TRMT13: variants seen among roughly 807,000 people sequenced by gnomAD.
TRMT13 encodes the protein tRNA:m(4)X modification enzyme TRM13 homolog.
TRMT13 carries 45 observed loss-of-function variants against 55.9 expected under a neutral mutation model. The observed-to-expected ratio is 0.80, with a 90% CI of 0.63 to 1.03. TRMT13 has a LOEUF of 1.03. Among genes scored for constraint, TRMT13 ranks in the 50% least tolerant of loss-of-function variants. TRMT13 has a pLI of 0.00. For missense variants in TRMT13, 513 were observed against 563.9 expected, an observed-to-expected ratio of 0.91 and a Z score of 0.91; for synonymous variants, 183 against 196.3, an observed-to-expected ratio of 0.93 and a Z score of 0.57.
chr1:100,137,490 A>C (rs1171627541), intron 3 of TRMT13, among the ~76,000 whole-genome samples: 1 of 152,034 alleles, frequency 6.6e-6, no homozygotes, highest in East Asian at 1.9e-4. Context: ...GAGCCACCAA[A>C]TCCAGCCAGG....
rs1657637520 is a variant in TRMT13, at chr1:100,148,822, G to A, written c.*2G>A. On this transcript the variant is annotated 3_prime_UTR_variant, in exon 11 of 11. Coordinates refer to ENST00000370141, the MANE Select transcript of TRMT13 (RefSeq NM_019083.3). Reference sequence around the variant, plus strand: ...TCATCACCAGAAACAACTGCTTAATGGAAAAGAAATTTGAGCATCATCTGT... The same window carrying A: ...TCATCACCAGAAACAACTGCTTAATAGAAAAGAAATTTGAGCATCATCTGT... The A allele has an allele frequency of 4.9e-6, 7 of 1,442,606 alleles. No individual in the cohort carries two copies. Among genetic ancestry groups the A allele is most frequent in the Middle Eastern group, 1.8e-4 (1 of 5,442 alleles). 89.4% of individuals were successfully genotyped at this position (1,442,606 alleles called of 1,614,324 possible).
chr1:100,136,927 C>T lies in TRMT13; in HGVS notation c.193C>T (p.His65Tyr). 1 of 1,603,572 alleles carries T rather than the reference C, an allele frequency of 6.2e-7. No individual in the cohort carries two copies. The part of the protein sequence containing the change: ...KRILCPLDPK[H>Y]TVYEDQLAKH... ...AATCCTGTGTCCTTTAGATCCAAAA[C>T]AGTAAGTGTGGATCAGATACGGGTT... The change falls in exon 2 of 11, where the codon CAC (histidine) becomes TAC (tyrosine). Residue 65 changes from histidine (H) to tyrosine (Y), a missense_variant and splice_region_variant. His to Tyr is a moderately conservative substitution (Grantham distance 83, BLOSUM62 2). This residue lies in a region of TRMT13 where 298 missense variants were observed against 290.3 expected (regional missense o/e 1.03). Transcript: ENST00000370141.
Position 100,140,568 on chromosome 1 carries a change from C to G in TRMT13, c.501+54C>G, listed in dbSNP as rs796199435. 5.4e-6 allele frequency: 7 copies of G among 1,298,138 alleles called. No homozygotes were observed. The African/African-American group carries it at 8.9e-5, about 16-fold the overall frequency. 80.4% of individuals were successfully genotyped at this position (1,298,138 alleles called of 1,614,324 possible). A position where few individuals can be genotyped will look rare whatever the true frequency, so the allele number is the denominator to read the frequency against. On this transcript the variant is annotated intron_variant, in intron 6 of 10. Coordinates refer to ENST00000370141, the MANE Select transcript of TRMT13 (RefSeq NM_019083.3). ...CATGGCCTTTGTTCATTTGTTAAAA[C>G]TGTTTTAAATGTAATTATTAATAAG...
chr1:100,145,163 T>A (rs1335696039), intron 9 of TRMT13, among the ~76,000 whole-genome samples: 2 of 152,232 alleles, frequency 1.3e-5, no homozygotes, highest in Non-Finnish European at 2.9e-5. Flanking sequence ...CCATACACCC[T>A]AGGTGTGTAG....
chr1:100,140,432 A>C lies in TRMT13; in HGVS notation c.419A>C (p.His140Pro). The C allele has an allele frequency of 6.2e-7, 1 of 1,613,712 alleles. No individual in the cohort carries two copies. Among genetic ancestry groups the C allele is most frequent in the Non-Finnish European group, 8.5e-7 (1 of 1,179,882 alleles). Reference protein sequence around the residue: ...SEGLNSTLKDHIMSHPALHDA... With the variant: ...SEGLNSTLKDPIMSHPALHDA... ...GGCTTGAATTCTACACTTAAAGATC[A>C]TATTATGTCCCATCCAGCATTACAC... Residue 140 changes from histidine (H) to proline (P), a missense_variant, in exon 6 of 11, where the codon CAT becomes CCT. Around this residue, in one of 3 missense-constraint regions of TRMT13, gnomAD observed 298 missense variants for 290.3 expected, o/e 1.03. Coordinates refer to ENST00000370141, the MANE Select transcript of TRMT13 (RefSeq NM_019083.3).
At chr1:100,134,503 G>T (rs773219350) in intron 1 of TRMT13, among the ~76,000 whole-genome samples, 6 of 152,220 alleles carry the variant, frequency 3.9e-5, no homozygotes, top group Non-Finnish European at 8.8e-5. Context: ...CTCCATCATA[G>T]TTGTAGTCTA....
intron 9 of TRMT13, among the ~76,000 whole-genome samples, chr1:100,144,983 G>A (rs1466539106): frequency 2.0e-5 from 3 of 152,176 alleles, no homozygotes; most frequent in Non-Finnish European, 2.9e-5. Flanking sequence ...ACAACATAAC[G>A]ATGATTTGGT....
intron 7 of TRMT13, 130 bp from the exon 8 acceptor site, chr1:100,143,006 GA>G: frequency 1.7e-6 from 1 of 599,466 alleles, no homozygotes; most frequent in South Asian, 2.2e-5. Flanking sequence ...TCTCATCAAA[GA>G]ATGTACAATC....
rs773126305 is a variant in TRMT13 at position 100,140,174 on chromosome 1, G to A, written c.325-8G>A. On this transcript the variant is annotated splice_polypyrimidine_tract_variant and splice_region_variant and intron_variant, in intron 4 of 10. Transcript: ENST00000370141. ...GGCTACATTATTTAGTTTTATTTTTGTATATAGGTTCCAATTTCTTCTCTA... is the reference window on the plus strand; with the variant it reads ...GGCTACATTATTTAGTTTTATTTTTATATATAGGTTCCAATTTCTTCTCTA... 1 of 1,592,912 alleles carries A rather than the reference G, an allele frequency of 6.3e-7. No individual in the cohort carries two copies.
intron 7 of TRMT13, among the ~76,000 whole-genome samples, chr1:100,141,310 C>T (rs1164255504): frequency 1.3e-5 from 2 of 152,152 alleles, no homozygotes; most frequent in Non-Finnish European, 2.9e-5. Flanking sequence ...GGCTCTACTC[C>T]TATCTTTGCC....
At position 100,143,214 on chromosome 1, in the gene TRMT13, G is replaced by A. The variant is rs769363843; in HGVS notation, c.742+5G>A. The A allele has an allele frequency of 1.3e-6, 2 of 1,585,144 alleles. No individual in the cohort carries two copies. Among genetic ancestry groups the A allele is most frequent in the East Asian group, 4.5e-5 (2 of 44,576 alleles). Reference sequence around the variant, plus strand: ...ATATTCAACACTTGTGTTTGAGTAAGTTGTGTAACTTTCCATTGGTCTACA... The same window carrying A: ...ATATTCAACACTTGTGTTTGAGTAAATTGTGTAACTTTCCATTGGTCTACA... On this transcript the variant is annotated splice_donor_5th_base_variant and intron_variant, in intron 8 of 10. Coordinates refer to ENST00000370141, the MANE Select transcript of TRMT13 (RefSeq NM_019083.3).
chr1:100,140,544 A>G lies in TRMT13; in HGVS notation c.501+30A>G, dbSNP rs201744498. The G allele has an allele frequency of 1.0e-5, 15 of 1,461,188 alleles. No individual in the cohort carries two copies. In the East Asian group the frequency reaches 2.9e-4, roughly 29 times the overall value. 90.5% of individuals were successfully genotyped at this position (1,461,188 alleles called of 1,614,324 possible). On this transcript the variant is annotated intron_variant, in intron 6 of 10. Transcript: ENST00000370141. Reference sequence around the variant, plus strand: ...GTTTAGGCTATAGTAACTACTAAACATGGCCTTTGTTCATTTGTTAAAACT... The same window carrying G: ...GTTTAGGCTATAGTAACTACTAAACGTGGCCTTTGTTCATTTGTTAAAACT...
chr1:100,148,548 TA>T, intron 10 of TRMT13, 76 bp from the exon 11 acceptor site: 2 of 1,369,656 alleles, frequency 1.5e-6, no homozygotes, highest in Admixed American at 4.3e-5. Context: ...AGTCTCTCAA[TA>T]AATAGTGACA....
intron 3 of TRMT13, among the ~76,000 whole-genome samples, chr1:100,137,694 CT>C: frequency 6.6e-6 from 1 of 152,120 alleles, no homozygotes; most frequent in East Asian, 1.9e-4. Context: ...TAATCAGTGC[CT>C]TTGCTTCTAA....
intron 1 of TRMT13, among the ~76,000 whole-genome samples, chr1:100,133,560 G>T (rs572982661): frequency 2.3e-3 from 343 of 152,124 alleles, no homozygotes; most frequent in African/African-American, 7.7e-3. Flanking sequence ...TATTTATCTC[G>T]ATCTTAACTC....
Position 100,149,904 on chromosome 1 carries a change from C to T in TRMT13, c.*1084C>T, listed in dbSNP as rs1657793842. On this transcript the variant is annotated 3_prime_UTR_variant, in exon 11 of 11. Coordinates refer to ENST00000370141, the MANE Select transcript of TRMT13 (RefSeq NM_019083.3). ...GATATTCTGAAATAACTATTTTTAT[C>T]CTGTAGTTCTATGATTATATGATTT... 3 of 153,602 alleles carry T rather than the reference C, an allele frequency of 2.0e-5. No homozygotes were observed. The highest frequency in any genetic ancestry group is 6.5e-5 in the Admixed American group (1 of 15,272). The allele number at this position is 153,602 out of a possible 1,614,324, so 9.5% of individuals were successfully genotyped here. A position where few individuals can be genotyped will look rare whatever the true frequency, so the allele number is the denominator to read the frequency against.
intron 3 of TRMT13, among the ~76,000 whole-genome samples, chr1:100,137,997 T>C (rs60089649): frequency 0.041 from 6,283 of 152,262 alleles, 321 homozygotes; most frequent in African/African-American, 0.12. Context: ...AAAGCAAGCA[T>C]GTGCAATATG....
chr1:100,142,011 A>G (rs1427301838), intron 7 of TRMT13, among the ~76,000 whole-genome samples: 1 of 152,250 alleles, frequency 6.6e-6, no homozygotes, highest in Non-Finnish European at 1.5e-5. Flanking sequence ...ATTTTATGCT[A>G]AGGAAGGAGT....
intron 10 of TRMT13, 127 bp from the exon 11 acceptor site, chr1:100,148,498 G>A (rs952443443): frequency 9.5e-7 from 1 of 1,057,690 alleles, no homozygotes; most frequent in Non-Finnish European, 1.4e-6. Flanking sequence ...TGTCTTGGAA[G>A]CATGGGACAA....
Sources: gnomAD v4.1 joint callset for allele counts (sites outside exome capture counted in the v4.1 genomes callset) on GRCh38, gnomAD v4.1.1 for gene constraint, gnomAD v4.1.1 regional missense constraint, MANE v1.5 for transcripts, NCBI Gene and HGNC (gene_info 2026-07-23, HGNC 2026-07-21) for gene names.